PLXNC1: variants seen among roughly 807,000 people sequenced by gnomAD.
The protein encoded by PLXNC1 is plexin-C1.
A neutral mutation model predicts 178.2 loss-of-function variants in PLXNC1; 75 were observed. The ratio of observed to expected loss-of-function variants is 0.42; its 90% confidence interval spans 0.35 to 0.51. The LOEUF (loss-of-function observed/expected upper bound fraction) is 0.51. Ranked by LOEUF, PLXNC1 falls within the 20% of genes least tolerant of loss-of-function variation. The pLI is 0.02. For synonymous variants in PLXNC1, 790 were observed against 779.9 expected (o/e 1.01, Z -0.22); for missense variants, 1,503 against 1,984.4 (o/e 0.76, Z 4.61).
intron 2 of PLXNC1, among the ~76,000 whole-genome samples, chr12:94,177,676 T>G (rs1180071076): frequency 1.3e-5 from 2 of 152,124 alleles, no homozygotes; most frequent in Admixed American, 1.3e-4. Flanking sequence ...ATATTGATGC[T>G]TCATTTCCAA....
chr12:94,197,817 C>G (rs1015171791), intron 4 of PLXNC1, among the ~76,000 whole-genome samples: 1 of 152,104 alleles, frequency 6.6e-6, no homozygotes, highest in Non-Finnish European at 1.5e-5. Context: ...GGGACATTAT[C>G]CCTCATGGCA....
chr12:94,284,924 G>A (rs185097307), intron 23 of PLXNC1, among the ~76,000 whole-genome samples: 244 of 152,346 alleles, frequency 1.6e-3, no homozygotes, highest in Non-Finnish European at 3.0e-3. Context: ...GTAGATAGAA[G>A]GGGTGCAAAC....
Position 94,251,466 on chromosome 12 carries a change from C to T in PLXNC1, c.2819C>T (p.Ser940Leu). Residue 940 changes from serine (S) to leucine (L), a missense_variant, in exon 15 of 31, where the codon TCA becomes TTA. Physicochemically the swap from Ser to Leu is moderately radical, Grantham distance 145. Coordinates refer to ENST00000258526, the MANE Select transcript of PLXNC1 (RefSeq NM_005761.3). ...CTGGAGCTCTACGTCGAGCAGGAGT[C>T]AGTTCCTTCCACATGGTATTTTCTG... is the stretch of plus-strand genomic sequence containing the variant. The part of the protein sequence containing the change: ...GNLELYVEQE[S>L]VPSTWYFLIV... 1 of 1,613,624 alleles carries T rather than the reference C, an allele frequency of 6.2e-7. No individual in the cohort carries two copies. Among genetic ancestry groups the T allele is most frequent in the Non-Finnish European group, 8.5e-7 (1 of 1,179,502 alleles).
chr12:94,265,550 A>G (rs1366730429), intron 21 of PLXNC1, among the ~76,000 whole-genome samples: 1 of 152,220 alleles, frequency 6.6e-6, no homozygotes, highest in Non-Finnish European at 1.5e-5. Flanking sequence ...TATAATTGCA[A>G]TCAGAATTTC....
chr12:94,273,278 C>T (rs1221260261), intron 21 of PLXNC1, among the ~76,000 whole-genome samples: 1 of 152,120 alleles, frequency 6.6e-6, no homozygotes, highest in East Asian at 1.9e-4. Flanking sequence ...TTTCAGGTGG[C>T]AGGAGGTGGT....
chr12:94,241,505 T>C (rs905050840), intron 11 of PLXNC1, among the ~76,000 whole-genome samples: 2 of 152,160 alleles, frequency 1.3e-5, no homozygotes, highest in African/African-American at 4.8e-5. Flanking sequence ...TTTATCCCTC[T>C]CTGGCCCCGC....
intron 24 of PLXNC1, among the ~76,000 whole-genome samples, chr12:94,295,324 T>G (rs1967796910): frequency 6.6e-6 from 1 of 152,194 alleles, no homozygotes; most frequent in Non-Finnish European, 1.5e-5. Context: ...TAGGACTCCT[T>G]TGGGGAAACC....
intron 3 of PLXNC1, among the ~76,000 whole-genome samples, chr12:94,183,309 C>G (rs966761319): frequency 6.6e-6 from 1 of 152,224 alleles, no homozygotes; most frequent in African/African-American, 2.4e-5. Context: ...AATGACCACA[C>G]TGAGATGGCC....
In PLXNC1 at chr12:94,260,790, G is replaced by A. The variant is rs1195160375; in HGVS notation, c.3400G>A (p.Glu1134Lys). 2 of 1,614,058 alleles carry A rather than the reference G, an allele frequency of 1.2e-6. No individual in the cohort carries two copies. Among genetic ancestry groups the A allele is most frequent in the East Asian group, 2.2e-5 (1 of 44,894 alleles). Residue 1134 changes from glutamate (E) to lysine (K), a missense_variant, in exon 20 of 31, where the codon GAA becomes AAA. Glu to Lys is a moderately conservative substitution (Grantham distance 56). Transcript: ENST00000258526. This position sits in a 1 kb window ranked among gnomAD's most constrained non-coding sequence, Gnocchi z 4.4. ...GCTGAGACGCACGGAGTCCGTCGTC[G>A]AAAAACTCCTCACAAACTGGATGTC... is the stretch of plus-strand genomic sequence containing the variant. Reference protein sequence around the residue: ...LMLRRTESVVEKLLTNWMSVC... With the variant: ...LMLRRTESVVKKLLTNWMSVC...
chr12:94,222,797 C>T (rs1963833849), intron 6 of PLXNC1, among the ~76,000 whole-genome samples: 1 of 152,078 alleles, frequency 6.6e-6, no homozygotes, highest in African/African-American at 2.4e-5. Flanking sequence ...CTGGGAGTCC[C>T]TCTGAGCTGA....
chr12:94,297,445 C>CCATAAAGTGCTCCCAG, intron 26 of PLXNC1, 22 bp downstream of exon 26: 1 of 1,494,360 alleles, frequency 6.7e-7, no homozygotes, highest in Non-Finnish European at 9.3e-7. Context: ...GTTCTGGGAG[C>CCATAAAGTGCTCCCAG]ACTTTATGGC....
intron 10 of PLXNC1, among the ~76,000 whole-genome samples, chr12:94,238,420 C>T (rs534637781): frequency 5.3e-5 from 8 of 151,870 alleles, no homozygotes; most frequent in South Asian, 4.2e-4. Flanking sequence ...CTCATCACAT[C>T]GGTGAAACTT....
intron 15 of PLXNC1, 21 bp from the exon 16 acceptor site, chr12:94,254,766 T>G (rs754628225): frequency 6.4e-7 from 1 of 1,554,048 alleles, no homozygotes; most frequent in Non-Finnish European, 8.7e-7. Context: ...GTCCCTCTGA[T>G]GCAGCATCTC....
At chr12:94,267,898 A>G (rs1965338729) in intron 21 of PLXNC1, among the ~76,000 whole-genome samples, 1 of 151,702 alleles carries the variant, frequency 6.6e-6, no homozygotes, top group Non-Finnish European at 1.5e-5. Context: ...ACACCCAGCC[A>G]TTTTAGGACT....
chr12:94,227,823 GA>G (rs2136030893), intron 9 of PLXNC1, among the ~76,000 whole-genome samples: 1 of 152,322 alleles, frequency 6.6e-6, no homozygotes, highest in Non-Finnish European at 1.5e-5. Context: ...AGTCATGTTT[GA>G]AAAGAGGGGA....
At chr12:94,288,766 C>T (rs181205455) in intron 23 of PLXNC1, among the ~76,000 whole-genome samples, 8 of 152,252 alleles carry the variant, frequency 5.3e-5, no homozygotes, top group Admixed American at 2.6e-4. Flanking sequence ...ACGATACTGA[C>T]GGAGGGAGAG....
chr12:94,223,266 A>C (rs939853401), intron 6 of PLXNC1, among the ~76,000 whole-genome samples: 7 of 152,072 alleles, frequency 4.6e-5, no homozygotes, highest in African/African-American at 1.7e-4. Context: ...TAAATAAATA[A>C]ACAAACAAAT....
At chr12:94,162,643 T>G (rs1961427616) in intron 1 of PLXNC1, among the ~76,000 whole-genome samples, 1 of 152,098 alleles carries the variant, frequency 6.6e-6, no homozygotes, top group South Asian at 2.1e-4. Context: ...GAATAGAGCC[T>G]GTAGAGATAG....
At chr12:94,179,774 T>C (rs1385652256) in intron 2 of PLXNC1, among the ~76,000 whole-genome samples, 1 of 150,778 alleles carries the variant, frequency 6.6e-6, no homozygotes, top group Non-Finnish European at 1.5e-5. Context: ...ACATGGTCCC[T>C]GCGCAAAAGG....
Sources: gnomAD v4.1 joint callset for allele counts (sites outside exome capture counted in the v4.1 genomes callset) on GRCh38, gnomAD v4.1.1 for gene constraint, Gnocchi (gnomAD v3.1) non-coding constraint, MANE v1.5 for transcripts, NCBI Gene and HGNC (gene_info 2026-07-23, HGNC 2026-07-21) for gene names.